Variants in PTPRN2 observed in about 807,000 individuals in gnomAD.
PTPRN2 encodes the protein receptor-type tyrosine-protein phosphatase N2.
A neutral mutation model predicts 118.8 loss-of-function variants in PTPRN2; 74 were observed. That is an observed-to-expected ratio of 0.62 (90% CI 0.52 to 0.76). PTPRN2 has a LOEUF of 0.76. PTPRN2 is among the 30% of genes least tolerant of loss of function. The pLI is 0.00. For missense variants in PTPRN2, 1,481 were observed against 1,394.4 expected, an observed-to-expected ratio of 1.06 and a Z score of -0.99; for synonymous variants, 641 against 608.0, an observed-to-expected ratio of 1.05 and a Z score of -0.80.
intron 2 of PTPRN2, among the ~76,000 whole-genome samples, chr7:158,340,657 A>G (rs1365632827): frequency 2.0e-5 from 2 of 101,562 alleles, no homozygotes; most frequent in African/African-American, 7.2e-5. Flanking sequence ...TGACGCCCGC[A>G]GACGTCACTC....
At chr7:158,244,709 G>A (rs1461883566) in intron 3 of PTPRN2, among the ~76,000 whole-genome samples, 3 of 109,148 alleles carry the variant, frequency 2.7e-5, no homozygotes, top group African/African-American at 7.6e-5. Context: ...GTGTGGTTGT[G>A]AGTTGTGTTA....
chr7:157,691,513 C>T (rs1464442986), intron 12 of PTPRN2, among the ~76,000 whole-genome samples: 2 of 152,210 alleles, frequency 1.3e-5, no homozygotes, highest in Admixed American at 1.3e-4. Context: ...CCAGGGTCCT[C>T]CCGAGTGTTT....
intron 2 of PTPRN2, among the ~76,000 whole-genome samples, chr7:158,336,223 C>A (rs1278010384): frequency 1.7e-5 from 1 of 58,406 alleles, no homozygotes; most frequent in Non-Finnish European, 3.4e-5. Flanking sequence ...AGCCGACGCC[C>A]GCAGACATCA....
At chr7:157,966,921 T>A (rs11974433) in intron 11 of PTPRN2, among the ~76,000 whole-genome samples, 59,751 of 152,126 alleles carry the variant, frequency 0.39, 11,992 homozygotes, top group East Asian at 0.57. Context: ...ACTCTCATCA[T>A]CATTTTTAAA....
intron 3 of PTPRN2, among the ~76,000 whole-genome samples, chr7:158,253,285 G>A (rs1031930125): frequency 6.6e-5 from 10 of 151,018 alleles, no homozygotes; most frequent in South Asian, 4.2e-4. Context: ...CCAGCACAGC[G>A]GGCGGGGGCC....
chr7:158,534,060 ATG>A (rs1825460891), intron 1 of PTPRN2, among the ~76,000 whole-genome samples: 2 of 150,304 alleles, frequency 1.3e-5, no homozygotes, highest in Non-Finnish European at 3.0e-5. Flanking sequence ...GTGGCCACCC[ATG>A]CCCCGGGCTC....
chr7:157,958,287 A>T (rs1052389878), intron 11 of PTPRN2, among the ~76,000 whole-genome samples: 2 of 152,134 alleles, frequency 1.3e-5, no homozygotes, highest in African/African-American at 2.4e-5. Context: ...TCTGCAGCTA[A>T]TGTAACACTC....
chr7:157,865,625 C>A (rs1013874785), intron 12 of PTPRN2: 2 of 152,298 alleles, frequency 1.3e-5, no homozygotes, highest in African/African-American at 4.8e-5. Flanking sequence ...CCAGGAGGAT[C>A]TGCTGTCTTC....
chr7:158,146,660 G>C lies in PTPRN2; in HGVS notation c.911-8145C>G, dbSNP rs557236847. On this transcript the variant is annotated intron_variant, in intron 6 of 22. Transcript: ENST00000389418. Reference sequence around the variant, plus strand: ...GGTGTGAACCCAGGAGGCGGAGCTAGTAGTGAGCTGAGATCGCGCCACTGC... The same window carrying C: ...GGTGTGAACCCAGGAGGCGGAGCTACTAGTGAGCTGAGATCGCGCCACTGC... Among the ~76,000 whole-genome samples the C allele has an allele frequency of 2.4e-4, 36 of 147,826 alleles. 2 individuals carry two copies. The highest frequency in any genetic ancestry group is 4.5e-4 in the Non-Finnish European group (30 of 67,084).
At chr7:158,539,801 A>T (rs967443147) in intron 1 of PTPRN2, 1 of 233,052 alleles carries the variant, frequency 4.3e-6, no homozygotes, top group African/African-American at 2.5e-5. Flanking sequence ...ACGGCTGGGG[A>T]CATACTGTGA....
At chr7:157,631,058 G>A (rs896620878) in intron 14 of PTPRN2, among the ~76,000 whole-genome samples, 9 of 152,138 alleles carry the variant, frequency 5.9e-5, no homozygotes, top group African/African-American at 2.2e-4. Flanking sequence ...TTTGTCTCCA[G>A]CTGACCTATT....
chr7:157,712,493 G>A (rs1798694224), intron 12 of PTPRN2, among the ~76,000 whole-genome samples: 1 of 152,174 alleles, frequency 6.6e-6, no homozygotes, highest in African/African-American at 2.4e-5. Flanking sequence ...GCTCACGCCT[G>A]TAATCCCAGC....
chr7:158,374,146 G>T (rs375625091), intron 2 of PTPRN2, among the ~76,000 whole-genome samples: 3 of 152,146 alleles, frequency 2.0e-5, no homozygotes, highest in Non-Finnish European at 4.4e-5. Flanking sequence ...CATCCCCACC[G>T]CAAACAGAGG....
At chr7:157,655,314 A>T (rs1806001004) in intron 14 of PTPRN2, among the ~76,000 whole-genome samples, 1 of 152,112 alleles carries the variant, frequency 6.6e-6, no homozygotes, top group African/African-American at 2.4e-5. Context: ...CGTGTTTCCC[A>T]CCAGACGTCA....
At chr7:158,387,182 C>T (rs1811461962) in intron 2 of PTPRN2, among the ~76,000 whole-genome samples, 1 of 152,254 alleles carries the variant, frequency 6.6e-6, no homozygotes, top group African/African-American at 2.4e-5. Context: ...CAACCAGCGG[C>T]TGCCCTGGCT....
chr7:158,436,778 A>G (rs1816601639), intron 2 of PTPRN2, among the ~76,000 whole-genome samples: 1 of 152,310 alleles, frequency 6.6e-6, no homozygotes, highest in East Asian at 1.9e-4. Flanking sequence ...CAATTCATCA[A>G]TAGAGATTAA....
chr7:158,353,408 G>C (rs78890967), intron 2 of PTPRN2, among the ~76,000 whole-genome samples: 12 of 152,364 alleles, frequency 7.9e-5, no homozygotes, highest in African/African-American at 2.6e-4. Flanking sequence ...ATGGCTGAAA[G>C]CTTACTTTAC....
Position 158,529,566 on chromosome 7 carries a change from G to T in PTPRN2, c.113-39781C>A, listed in dbSNP as rs1012927089. Among the ~76,000 whole-genome samples the T allele has an allele frequency of 6.6e-6, 1 of 152,202 alleles. No individual in the cohort carries two copies. ...TGTATTAGATATTTTGTGCATTTTT[G>T]ACCAAAATGAGTCAAATGTGGGGAG... On this transcript the variant is annotated intron_variant, in intron 1 of 22. Transcript: ENST00000389418. This position sits in a 1 kb window ranked among gnomAD's most constrained non-coding sequence, Gnocchi z 4.7.
chr7:158,004,196 T>C (rs1306061437), intron 11 of PTPRN2, among the ~76,000 whole-genome samples: 2 of 152,150 alleles, frequency 1.3e-5, no homozygotes, highest in Non-Finnish European at 2.9e-5. Context: ...ATGATGTTTC[T>C]GCCTGAGAGA....
Sources: gnomAD v4.1 joint callset for allele counts (sites outside exome capture counted in the v4.1 genomes callset) on GRCh38, gnomAD v4.1.1 for gene constraint, Gnocchi (gnomAD v3.1) non-coding constraint, MANE v1.5 for transcripts, NCBI Gene and HGNC (gene_info 2026-07-23, HGNC 2026-07-21) for gene names.